The following TMEM91 variants were observed in gnomAD, a reference collection of about 807,000 sequenced individuals.
TMEM91 encodes transmembrane protein 91, also known as dispanin subfamily C member 3.
Under a neutral mutation model 13.3 loss-of-function variants are expected in TMEM91, and 6 were observed. The ratio of observed to expected loss-of-function variants is 0.45; its 90% CI spans 0.25 to 0.89. The LOEUF (loss-of-function observed/expected upper bound fraction) is 0.89, where lower values mean the gene tolerates loss of function less well. Ranked by LOEUF, TMEM91 falls within the 40% of genes least tolerant of loss-of-function variation. TMEM91 has a pLI of 0.19. For missense variants in TMEM91, 193 were observed against 228.7 expected (o/e 0.84, Z 1.01); for synonymous variants, 87 against 101.7 (o/e 0.86, Z 0.87).
In TMEM91 at chr19:41,384,029, C is replaced by T. The variant is rs538850951; in HGVS notation, c.*156C>T. On this transcript the variant is annotated 3_prime_UTR_variant, in exon 4 of 4. Coordinates refer to ENST00000392002, the MANE Select transcript of TMEM91 (RefSeq NM_001098821.2). ...TGGAACCCTTCCCCTTCCTGGCCAC[C>T]GCTCTTCGGGCGGCAGCAACCTGAG... 25 of 1,329,758 alleles carry T rather than the reference C, an allele frequency of 1.9e-5. No homozygotes were observed. Among genetic ancestry groups the T allele is most frequent in the Middle Eastern group, 4.9e-4 (2 of 4,044 alleles). The allele number at this position is 1,329,758 out of a possible 1,614,324, so 82.4% of individuals were successfully genotyped here. A position where few individuals can be genotyped will look rare whatever the true frequency, so the allele number is the denominator to read the frequency against.
chr19:41,378,262 T>C lies in TMEM91; in HGVS notation c.-29-19T>C, dbSNP rs201507329. On this transcript the variant is annotated intron_variant, in intron 1 of 3. Transcript: ENST00000392002. ...AGTGAGACTTTTACAACTTGTCTTT[T>C]TCTTCCCCCTACCCCTAGGAAACCC... 89 of 1,573,150 alleles carry C rather than the reference T, an allele frequency of 5.7e-5. No homozygotes were observed. The African/African-American group carries it at 1.1e-3, about 20-fold the overall frequency.
chr19:41,383,589 G>A, intron 3 of TMEM91, 126 bp from the exon 4 acceptor site: 2 of 1,613,888 alleles, frequency 1.2e-6, no homozygotes, highest in Non-Finnish European at 1.7e-6. Context: ...TATAGTAGGT[G>A]CTACGTATCT....
At chr19:41,371,566 C>T (rs951038746), upstream of TMEM91, among the ~76,000 whole-genome samples, 2 of 151,178 alleles carry the variant, frequency 1.3e-5, no homozygotes, top group Non-Finnish European at 3.0e-5. Context: ...ACTACAGGCG[C>T]ACACCACCAA....
At chr19:41,381,150 T>C (rs2038876218) in intron 2 of TMEM91, among the ~76,000 whole-genome samples, 1 of 148,118 alleles carries the variant, frequency 6.8e-6, no homozygotes, top group Non-Finnish European at 1.5e-5. Context: ...TTTGCCCTAA[T>C]CATTTAGGCC....
intron 1 of TMEM91, 142 bp from the exon 2 acceptor site, chr19:41,378,139 G>A: frequency 3.3e-6 from 2 of 609,430 alleles, no homozygotes; most frequent in South Asian, 4.4e-5. Context: ...TTTCTCTCTG[G>A]GCCTCAGCTT....
rs530177574 is a variant in TMEM91, at chr19:41,371,024, C to T, written c.-30+6929C>T. ...GGCCTGTTTTTTATTTTTTTTGAGACAGGGTCTCGCTCTGTCACCCAGGCT... is the reference window on the plus strand; with the variant it reads ...GGCCTGTTTTTTATTTTTTTTGAGATAGGGTCTCGCTCTGTCACCCAGGCT... On this transcript the variant is annotated intron_variant, in intron 1 of 3. Coordinates refer to the TMEM91 transcript ENST00000413014. 7.4e-5 allele frequency among the ~76,000 whole-genome samples: 11 copies of T among 148,656 alleles called. No homozygotes were observed. The South Asian group carries it at 1.1e-3, about 14-fold the overall frequency.
chr19:41,365,500 G>T (rs1016341069), intron 1 of TMEM91, among the ~76,000 whole-genome samples: 24 of 151,960 alleles, frequency 1.6e-4, no homozygotes, highest in Non-Finnish European at 2.9e-4. Flanking sequence ...TGCCTCCCGG[G>T]TTCAAGAGAT....
chr19:41,372,674 T>C (rs929363687), upstream of TMEM91, among the ~76,000 whole-genome samples: 1 of 152,186 alleles, frequency 6.6e-6, no homozygotes, highest in Non-Finnish European at 1.5e-5. Flanking sequence ...AGAAATGGTA[T>C]GTGTCTCCCT....
At chr19:41,367,244 C>T (rs1389263084) in intron 1 of TMEM91, among the ~76,000 whole-genome samples, 1 of 152,238 alleles carries the variant, frequency 6.6e-6, no homozygotes, top group African/African-American at 2.4e-5. Context: ...ATTAGTACAT[C>T]TTGCTATGCT....
intron 1 of TMEM91, among the ~76,000 whole-genome samples, chr19:41,368,467 T>G (rs553651297): frequency 2.1e-4 from 32 of 151,902 alleles, no homozygotes; most frequent in African/African-American, 7.5e-4. Context: ...AGAGTCTCGT[T>G]CTGTGGGCCA....
intron 1 of TMEM91, among the ~76,000 whole-genome samples, chr19:41,366,880 G>A (rs192490048): frequency 6.6e-5 from 10 of 152,084 alleles, no homozygotes; most frequent in Non-Finnish European, 1.3e-4. Context: ...GTTCATGCCC[G>A]TAATCCCAGC....
intron 1 of TMEM91, among the ~76,000 whole-genome samples, chr19:41,367,719 G>C (rs544933090): frequency 1.3e-5 from 2 of 152,126 alleles, no homozygotes; most frequent in Admixed American, 6.6e-5. Flanking sequence ...CTGCAGCCTC[G>C]AACGCCCAGG....
In TMEM91 at chr19:41,382,805, G is replaced by A. The variant is rs776666911; in HGVS notation, c.244G>A (p.Asp82Asn). The part of the protein sequence containing the change: ...MSSSDSDSDW[D>N]GGSRLSPFLP... ...ATCCAGTGACAGTGACTCGGACTGG[G>A]ATGGAGGCAGCCGTCTTTCACCATT... The change falls in exon 3 of 4, where the codon GAT (aspartate) becomes AAT (asparagine). Residue 82 changes from aspartate to asparagine, a missense_variant. Transcript: ENST00000392002. 3.7e-6 allele frequency: 6 copies of A among 1,614,200 alleles called. No individual in the cohort carries two copies. Among genetic ancestry groups the A allele is most frequent in the South Asian group, 3.3e-5 (3 of 91,082 alleles).
rs778133667 is a variant in TMEM91, at chr19:41,378,322, A to C, written c.13A>C (p.Ser5Arg). Reference protein sequence around the residue: MDSPSLRELQQPLLE... With the variant: MDSPRLRELQQPLLE... ...TTTCCCCAAAGCCATGGACAGCCCT[A>C]GTCTTCGTGAGCTTCAACAGCCTCT... is the stretch of plus-strand genomic sequence containing the variant. Residue 5 changes from serine (S) to arginine (R), a missense_variant, in exon 2 of 4, where the codon AGT becomes CGT. By Grantham distance (110) the Ser-to-Arg change is moderately radical. Transcript: ENST00000392002. The C allele has an allele frequency of 6.2e-7, 1 of 1,614,152 alleles. No homozygotes were observed. The highest frequency in any genetic ancestry group is 1.7e-5 in the Admixed American group (1 of 60,014).
chr19:41,382,679 G>A (rs1197905684), intron 2 of TMEM91, 93 bp from the exon 3 acceptor site: 10 of 1,482,078 alleles, frequency 6.7e-6, no homozygotes, highest in Admixed American at 2.2e-5. Context: ...AAGCCCTAGG[G>A]GCAGGTATTG....
intron 1 of TMEM91, among the ~76,000 whole-genome samples, chr19:41,368,237 C>T (rs1392994617): frequency 6.6e-6 from 1 of 151,714 alleles, no homozygotes; most frequent in East Asian, 1.9e-4. Context: ...GTAGTGAGAC[C>T]CTCATTTCTA....
At chr19:41,366,960 C>T (rs1269150877) in intron 1 of TMEM91, among the ~76,000 whole-genome samples, 1 of 150,206 alleles carries the variant, frequency 6.7e-6, no homozygotes, top group African/African-American at 2.4e-5. Flanking sequence ...CAACATATAG[C>T]GAAACCCTGT....
At chr19:41,374,794 A>C (rs539850751), upstream of TMEM91, among the ~76,000 whole-genome samples, 1 of 151,846 alleles carries the variant, frequency 6.6e-6, no homozygotes, top group Admixed American at 6.6e-5. Context: ...GACCAGCCTG[A>C]CTCATATGGA....
chr19:41,375,623 C>T (rs1409992514), upstream of TMEM91, among the ~76,000 whole-genome samples: 1 of 151,044 alleles, frequency 6.6e-6, no homozygotes, highest in African/African-American at 2.4e-5. Context: ...AAAAACAAGC[C>T]AACACCCCTT....
Sources: allele counts gnomAD v4.1 joint callset (sites outside exome capture counted in the v4.1 genomes callset), GRCh38; gene constraint gnomAD v4.1.1; transcripts MANE v1.5; gene names NCBI Gene and HGNC (gene_info 2026-07-23, HGNC 2026-07-21).